CNTNAP3: variants seen among roughly 807,000 people sequenced by gnomAD.
CNTNAP3 encodes contactin-associated protein-like 3.
CNTNAP3 carries 36 observed loss-of-function variants against 92.1 expected under a neutral mutation model. The ratio of observed to expected loss-of-function variants is 0.39; its 90% CI spans 0.30 to 0.52. The LOEUF is 0.52. Among genes scored for constraint, CNTNAP3 ranks in the 20% least tolerant of loss-of-function variants. CNTNAP3 has a pLI of 0.76. For missense variants in CNTNAP3, 534 were observed against 1,069.6 expected (o/e 0.50, Z 6.98); for synonymous variants, 232 against 422.3 (o/e 0.55, Z 5.53).
Position 39,071,132 on chromosome 9 carries a change from A to G in CNTNAP3, c.*2758T>C, listed in dbSNP as rs1008191026. Among the ~76,000 whole-genome samples the G allele has an allele frequency of 6.6e-6, 1 of 152,158 alleles. No homozygotes were observed. The highest frequency in any genetic ancestry group is 2.4e-5 in the African/African-American group (1 of 41,432). On this transcript the variant is annotated 3_prime_UTR_variant, in exon 24 of 24. Transcript: ENST00000297668. ...TTAAAAAAATCTTACATGTTAATAC[A>G]TGACTTATCCTACTCCATGTCTCTA...
Position 39,109,479 on chromosome 9 carries a change from C to T in CNTNAP3, c.2238-192G>A, listed in dbSNP as rs181652767. 4.4e-3 allele frequency among the ~76,000 whole-genome samples: 677 copies of T among 152,168 alleles called. 3 individuals are homozygous for T. Among genetic ancestry groups the T allele is most frequent in the African/African-American group, 0.016 (644 of 41,508 alleles). The stretch of plus-strand genomic sequence containing the variant: ...ATGGGCAAACATTTTGTGTAAAGGA[C>T]CATACAGCAAGCTATCTTAGCTCAG... On this transcript the variant is annotated intron_variant, in intron 14 of 23. Coordinates refer to ENST00000297668, the MANE Select transcript of CNTNAP3 (RefSeq NM_033655.5).
chr9:39,128,086 G>A (rs1406908367), intron 13 of CNTNAP3, among the ~76,000 whole-genome samples: 2 of 152,124 alleles, frequency 1.3e-5, no homozygotes, highest in Non-Finnish European at 2.9e-5. Flanking sequence ...TGATCCATCT[G>A]CCTCAGCCTC....
chr9:39,114,023 T>TACAC (rs772231006), intron 14 of CNTNAP3, among the ~76,000 whole-genome samples: 46 of 141,566 alleles, frequency 3.2e-4, no homozygotes, highest in African/African-American at 1.1e-3. Context: ...CACATATATA[T>TACAC]ACACACATAT....
chr9:39,099,928 C>T lies in CNTNAP3; in HGVS notation c.2978G>A (p.Gly993Glu). 1 of 1,611,324 alleles carries T rather than the reference C, an allele frequency of 6.2e-7. No individual in the cohort carries two copies. Among genetic ancestry groups the T allele is most frequent in the Non-Finnish European group, 8.5e-7 (1 of 1,179,528 alleles). ...TCDCAFSAYDGPFCSNEISAY... is the reference protein window; with the variant it reads ...TCDCAFSAYDEPFCSNEISAY... The stretch of plus-strand genomic sequence containing the variant: ...ACACTTACCATTGGAGCAGAACGGC[C>T]CATCATAGGCTGAGAAGGCACAGTC... Residue 993 changes from glycine to glutamate, a missense_variant, in exon 18 of 24, where the codon GGG becomes GAG. Transcript: ENST00000297668.
intron 4 of CNTNAP3, among the ~76,000 whole-genome samples, chr9:39,181,570 G>T (rs1822448202): frequency 9.2e-6 from 1 of 109,216 alleles, no homozygotes; most frequent in Non-Finnish European, 1.6e-5. Flanking sequence ...AGTTTTGATT[G>T]CTGAATCTCA....
At chr9:39,106,527 C>T (rs1481441993) in intron 15 of CNTNAP3, 1 of 152,148 alleles carries the variant, frequency 6.6e-6, no homozygotes, top group Non-Finnish European at 1.5e-5. Context: ...CTCAAGCCAT[C>T]CTCCCATCTC....
intron 18 of CNTNAP3, among the ~76,000 whole-genome samples, chr9:39,092,283 T>G (rs1454270572): frequency 9.6e-5 from 14 of 145,088 alleles, no homozygotes; most frequent in Admixed American, 2.0e-4. Flanking sequence ...CTGTTTCTCC[T>G]TACATTAGAT....
At chr9:39,074,738 G>A (rs1825708045) in intron 23 of CNTNAP3, among the ~76,000 whole-genome samples, 1 of 152,158 alleles carries the variant, frequency 6.6e-6, no homozygotes, top group East Asian at 1.9e-4. Context: ...ACATTTTAAT[G>A]AAATTGTTTT....
In CNTNAP3 at chr9:39,068,530, G is replaced by T. The variant is rs1434543351; in HGVS notation, c.*5360C>A. ...GGTCAATAATAATTTTTTAAAGGTT[G>T]ATAAATGCCGCTGTAATTCTTTTGA... On this transcript the variant is annotated 3_prime_UTR_variant, in exon 24 of 24. Transcript: ENST00000297668. Among the ~76,000 whole-genome samples, 2 of 152,310 alleles carry T rather than the reference G, an allele frequency of 1.3e-5. No individual in the cohort carries two copies. The highest frequency in any genetic ancestry group is 2.9e-5 in the Non-Finnish European group (2 of 68,056).
In CNTNAP3 at chr9:39,122,242, C is replaced by G. The variant is rs530889120; in HGVS notation, c.2081-3983G>C. Among the ~76,000 whole-genome samples the G allele has an allele frequency of 5.3e-5, 8 of 152,356 alleles. No individual in the cohort carries two copies. In the South Asian group the frequency reaches 1.4e-3, roughly 28 times the overall value. On this transcript the variant is annotated intron_variant, in intron 13 of 23. Coordinates refer to ENST00000297668, the MANE Select transcript of CNTNAP3 (RefSeq NM_033655.5). ...TGGTGGCGGGCGCCTGTAGTCCCAG[C>G]TACTCGGGAGGCTGAGGCGGGAGAA...
chr9:39,127,365 C>T (rs1462529505), intron 13 of CNTNAP3, among the ~76,000 whole-genome samples: 2 of 151,828 alleles, frequency 1.3e-5, no homozygotes, highest in Non-Finnish European at 2.9e-5. Flanking sequence ...TAAGTTCTTA[C>T]CTCTAGAAAC....
At position 39,066,553 on chromosome 9, in the gene CNTNAP3, A is replaced by G. The variant is rs908371173; in HGVS notation, c.*7337T>C. 6.6e-6 allele frequency among the ~76,000 whole-genome samples: 1 copy of G among 152,162 alleles called. No homozygotes were observed. Among genetic ancestry groups the G allele is most frequent in the Non-Finnish European group, 1.5e-5 (1 of 68,046 alleles). ...CATAGTCCAGGTTTGCTGATAATAT[A>G]TTACTTTTAACTTTTCTATGTCTGA... On this transcript the variant is annotated 3_prime_UTR_variant, in exon 24 of 24. Transcript: ENST00000297668.
intron 10 of CNTNAP3, among the ~76,000 whole-genome samples, chr9:39,149,344 GTTTTTGT>G (rs1397381285): frequency 3.3e-5 from 5 of 149,694 alleles, no homozygotes; most frequent in African/African-American, 1.3e-4. Flanking sequence ...TAGAGATGCA[GTTTTTGT>G]TTTTGTTTTT....
At chr9:39,082,203 T>A (rs186410334) in intron 21 of CNTNAP3, among the ~76,000 whole-genome samples, 1 of 150,596 alleles carries the variant, frequency 6.6e-6, no homozygotes, top group Non-Finnish European at 1.5e-5. Context: ...CTCAAGTGAG[T>A]CTGGGGACTA....
chr9:39,092,956 T>C lies in CNTNAP3; in HGVS notation c.2996-4309A>G, dbSNP rs151215358. ...TGAGGGAGTTAACTTTTTATCATTA[T>C]AAAAGTTTCCCTGTTTCTAGTAGCA... On this transcript the variant is annotated intron_variant, in intron 18 of 23. Transcript: ENST00000297668. Among the ~76,000 whole-genome samples, 404 of 144,502 alleles carry C rather than the reference T, an allele frequency of 2.8e-3. 3 individuals carry two copies. The highest frequency in any genetic ancestry group is 9.8e-3 in the African/African-American group (384 of 39,260). The allele number at this position is 144,502 out of a possible 152,430, so 94.8% of individuals were successfully genotyped here.
At chr9:39,134,899 A>G (rs1164201287) in intron 12 of CNTNAP3, among the ~76,000 whole-genome samples, 2 of 152,368 alleles carry the variant, frequency 1.3e-5, no homozygotes, top group Non-Finnish European at 2.9e-5. Flanking sequence ...GATTTGTTGT[A>G]CAATGGGAGA....
intron 18 of CNTNAP3, among the ~76,000 whole-genome samples, chr9:39,091,786 A>G (rs1826209622): frequency 6.6e-6 from 1 of 151,786 alleles, no homozygotes; most frequent in South Asian, 2.1e-4. Flanking sequence ...TTCTTATTTA[A>G]ATAGTTGATA....
At position 39,125,894 on chromosome 9, in the gene CNTNAP3, CA is replaced by C. The variant is rs1418899731; in HGVS notation, c.2080+7037del. Among the ~76,000 whole-genome samples the C allele has an allele frequency of 9.9e-5, 15 of 152,222 alleles. No homozygotes were observed. In the East Asian group the frequency reaches 2.1e-3, roughly 22 times the overall value. Reference sequence around the variant, plus strand: ...CATCCATTATTACCACTGGAGACTTCAACACCCCTCTATGAGTAAGTGACAG... The same window carrying C: ...CATCCATTATTACCACTGGAGACTTCACACCCCTCTATGAGTAAGTGACAG... On this transcript the variant is annotated intron_variant, in intron 13 of 23. Coordinates refer to ENST00000297668, the MANE Select transcript of CNTNAP3 (RefSeq NM_033655.5).
intron 13 of CNTNAP3, among the ~76,000 whole-genome samples, chr9:39,121,792 C>A (rs1821029408): frequency 6.6e-6 from 1 of 152,066 alleles, no homozygotes; most frequent in Non-Finnish European, 1.5e-5. Context: ...TGTCTCCAGT[C>A]CTGGGGTCCT....
Sources: gnomAD v4.1 joint callset for allele counts (sites outside exome capture counted in the v4.1 genomes callset) on GRCh38, gnomAD v4.1.1 for gene constraint, MANE v1.5 for transcripts, NCBI Gene and HGNC (gene_info 2026-07-23, HGNC 2026-07-21) for gene names.